SHISA9: variants seen among roughly 807,000 people sequenced by gnomAD.
SHISA9 encodes shisa family member 9.
Under a neutral mutation model 38.0 loss-of-function variants are expected in SHISA9, and 13 were observed. That is an observed-to-expected ratio of 0.34 (90% confidence interval 0.22 to 0.54). SHISA9 has a LOEUF of 0.54. Among genes scored for constraint, SHISA9 ranks in the 20% least tolerant of loss-of-function variants. The pLI is 0.91. For synonymous variants in SHISA9, 275 were observed against 242.0 expected (o/e 1.14, Z -1.27); for missense variants, 538 against 575.8 (o/e 0.93, Z 0.67).
chr16:13,062,700 G>A (rs946906529), intron 2 of SHISA9, among the ~76,000 whole-genome samples: 17 of 152,116 alleles, frequency 1.1e-4, no homozygotes, highest in African/African-American at 4.1e-4. Flanking sequence ...GACTAATTTG[G>A]CTTGGCAGAG....
the SHISA9 span, among the ~76,000 whole-genome samples, chr16:13,375,633 C>T: frequency 6.6e-6 from 1 of 151,500 alleles, no homozygotes; most frequent in Non-Finnish European, 1.5e-5. Context: ...AAGAAAACAT[C>T]CAAAAAGAAA....
chr16:13,488,027 A>G, the SHISA9 span, among the ~76,000 whole-genome samples: 2 of 152,192 alleles, frequency 1.3e-5, no homozygotes, highest in Admixed American at 6.5e-5. Flanking sequence ...GAACTTGACT[A>G]TATCCAAAGT....
chr16:13,280,712 A>G, the SHISA9 span, among the ~76,000 whole-genome samples: 5 of 151,774 alleles, frequency 3.3e-5, no homozygotes, highest in Admixed American at 2.0e-4. Context: ...TCTACATGCA[A>G]TGAGGTTGTA....
chr16:13,184,894 T>A (rs940848575), intron 2 of SHISA9, among the ~76,000 whole-genome samples: 4 of 152,248 alleles, frequency 2.6e-5, no homozygotes, highest in African/African-American at 4.8e-5. Context: ...AAATCCACTT[T>A]AAACATTTGT....
chr16:13,007,269 G>T (rs1443770579), intron 2 of SHISA9, among the ~76,000 whole-genome samples: 1 of 152,098 alleles, frequency 6.6e-6, no homozygotes, highest in African/African-American at 2.4e-5. Context: ...ATAAGGCTCA[G>T]GAGTTGGCTC....
intron 2 of SHISA9, among the ~76,000 whole-genome samples, chr16:13,075,114 T>C (rs567457914): frequency 3.3e-5 from 5 of 152,284 alleles, no homozygotes; most frequent in African/African-American, 7.2e-5. Context: ...GTATAAAGTA[T>C]TGGGGCCTGG....
At chr16:13,077,224 A>ACTT (rs369294233) in intron 2 of SHISA9, among the ~76,000 whole-genome samples, 30 of 147,372 alleles carry the variant, frequency 2.0e-4, no homozygotes, top group African/African-American at 2.8e-4. Context: ...TCTATTTTTC[A>ACTT]CTTCTTCTTC....
chr16:12,988,108 C>T (rs898781881), intron 2 of SHISA9, among the ~76,000 whole-genome samples: 3 of 152,232 alleles, frequency 2.0e-5, no homozygotes, highest in Admixed American at 1.3e-4. Context: ...ATCCCAAAGG[C>T]AGCAATGCAC....
At chr16:13,101,334 G>C (rs752266467) in intron 2 of SHISA9, among the ~76,000 whole-genome samples, 1 of 152,122 alleles carries the variant, frequency 6.6e-6, no homozygotes. Flanking sequence ...TTATTGTATC[G>C]ATTATGTCAC....
At chr16:13,019,773 TTTCTTTCTTTCTTTCTTTCTTTC>T (rs2072803202) in intron 2 of SHISA9, among the ~76,000 whole-genome samples, 1 of 58,202 alleles carries the variant, frequency 1.7e-5, no homozygotes, top group Non-Finnish European at 3.5e-5. Flanking sequence ...CTTTTCTTTC[TTTCTTTCTTTCTTTCTTTCTTTC>T]TTTCTTTCTT....
chr16:13,229,663 G>A (rs2051312353), intron 4 of SHISA9, among the ~76,000 whole-genome samples: 1 of 152,214 alleles, frequency 6.6e-6, no homozygotes, highest in Non-Finnish European at 1.5e-5. Context: ...TGCCAGGACT[G>A]AGAACCACTG....
chr16:13,455,960 G>C, the SHISA9 span, among the ~76,000 whole-genome samples: 2 of 152,168 alleles, frequency 1.3e-5, no homozygotes, highest in African/African-American at 4.8e-5. Flanking sequence ...ATTGGAATCA[G>C]ACTCACTTAA....
At chr16:13,548,245 A>G in the SHISA9 span, among the ~76,000 whole-genome samples, 1 of 142,582 alleles carries the variant, frequency 7.0e-6, no homozygotes, top group Non-Finnish European at 1.6e-5. Context: ...GTGAGACTCA[A>G]AACAATAAAA....
At chr16:13,324,783 A>AAG in the SHISA9 span, among the ~76,000 whole-genome samples, 1 of 152,186 alleles carries the variant, frequency 6.6e-6, no homozygotes, top group Non-Finnish European at 1.5e-5. Context: ...AAGTGATTGT[A>AAG]TTACAGCTTG....
At chr16:13,488,779 G>A in the SHISA9 span, among the ~76,000 whole-genome samples, 1 of 151,740 alleles carries the variant, frequency 6.6e-6, no homozygotes, top group Non-Finnish European at 1.5e-5. Flanking sequence ...TTTATTTTTT[G>A]GAGACGGAGT....
chr16:13,139,087 G>A lies in SHISA9; in HGVS notation c.692-64307G>A, dbSNP rs546687800. ...CTACAGTGCCATTACCTTCCACTGT[G>A]GCCTCAGAAATATCATCCTTTCTGA... On this transcript the variant is annotated intron_variant, in intron 2 of 4. Transcript: ENST00000558583. 3.3e-5 allele frequency among the ~76,000 whole-genome samples: 5 copies of A among 152,196 alleles called. No individual in the cohort carries two copies. The East Asian group carries it at 7.7e-4, about 24-fold the overall frequency.
the SHISA9 span, among the ~76,000 whole-genome samples, chr16:13,512,452 G>T: frequency 6.6e-6 from 1 of 152,138 alleles, no homozygotes; most frequent in African/African-American, 2.4e-5. Flanking sequence ...TAGATTCAAT[G>T]CTATTCCCAT....
At chr16:13,317,158 G>A in the SHISA9 span, among the ~76,000 whole-genome samples, 15 of 152,308 alleles carry the variant, frequency 9.8e-5, no homozygotes, top group South Asian at 1.0e-3. Flanking sequence ...AATAGCAGAC[G>A]GGGAGCTTGT....
chr16:13,235,414 T>C lies in SHISA9; in HGVS notation c.*5T>C, dbSNP rs143720311. ...AAAACAGAAGTGACTGTCTGAGCTT[T>C]CACCACAGGGAGCACCCTGGAGACC... On this transcript the variant is annotated 3_prime_UTR_variant, in exon 5 of 5. Coordinates refer to ENST00000558583, the MANE Select transcript of SHISA9 (RefSeq NM_001145204.3). 8 of 1,533,808 alleles carry C rather than the reference T, an allele frequency of 5.2e-6. No homozygotes were observed. In the East Asian group the frequency reaches 2.0e-4, roughly 38 times the overall value.
Sources: allele counts gnomAD v4.1 joint callset (sites outside exome capture counted in the v4.1 genomes callset), GRCh38; gene constraint gnomAD v4.1.1; transcripts MANE v1.5; gene names NCBI Gene and HGNC (gene_info 2026-07-23, HGNC 2026-07-21).